Variants in BRAP observed in about 807,000 individuals in gnomAD.
BRAP encodes the protein BRCA1 associated protein, also known as BRCA1-associated protein.
A neutral mutation model predicts 73.4 loss-of-function variants in BRAP; 42 were observed. The ratio of observed to expected loss-of-function variants is 0.57; its 90% confidence interval spans 0.45 to 0.74. BRAP has a LOEUF of 0.74. Ranked by LOEUF, BRAP falls within the 30% of genes least tolerant of loss-of-function variation. BRAP has a pLI of 0.00. For synonymous variants in BRAP, 255 were observed against 267.4 expected, an observed-to-expected ratio of 0.95 and a Z score of 0.45; for missense variants, 593 against 751.4, an observed-to-expected ratio of 0.79 and a Z score of 2.46.
At position 111,665,488 on chromosome 12, in the gene BRAP, C is replaced by T. The variant is rs1425711016; in HGVS notation, c.896+151G>A. ...AAAAAAGGACTTGGTCTCAGAATGC[C>T]GATTCCCTGAACTTAGGAAAGGGAA... is the stretch of plus-strand genomic sequence containing the variant. On this transcript the variant is annotated intron_variant, in intron 6 of 11. Transcript: ENST00000419234. The surrounding 1 kb of genome is among the most constrained non-coding windows in gnomAD (Gnocchi z 4.3). The T allele has an allele frequency of 1.8e-5, 20 of 1,125,658 alleles. No individual in the cohort carries two copies. Among genetic ancestry groups the T allele is most frequent in the Non-Finnish European group, 2.0e-5 (16 of 813,652 alleles). 69.7% of individuals were successfully genotyped at this position (1,125,658 alleles called of 1,614,324 possible). A position where few individuals can be genotyped will look rare whatever the true frequency, so the allele number is the denominator to read the frequency against.
chr12:111,654,574 C>T (rs571538227), intron 10 of BRAP, among the ~76,000 whole-genome samples: 1 of 152,330 alleles, frequency 6.6e-6, no homozygotes. Flanking sequence ...CCTCGGCCTC[C>T]CAAAGTGCTG....
intron 5 of BRAP, chr12:111,669,929 T>C: frequency 1.6e-6 from 1 of 627,964 alleles, no homozygotes; most frequent in Non-Finnish European, 2.9e-6. Context: ...AAAAAACCCA[T>C]GCTTTCTTTT....
At chr12:111,650,498 T>C (rs1886276777) in intron 10 of BRAP, among the ~76,000 whole-genome samples, 1 of 152,340 alleles carries the variant, frequency 6.6e-6, no homozygotes, top group East Asian at 1.9e-4. Flanking sequence ...ACACCTGACC[T>C]CAGGTGATCC....
At chr12:111,670,930 T>C (rs1887144618) in intron 5 of BRAP, among the ~76,000 whole-genome samples, 1 of 151,966 alleles carries the variant, frequency 6.6e-6, no homozygotes, top group African/African-American at 2.4e-5. Context: ...CAAAACCCCA[T>C]CTCTACTAAA....
At position 111,665,617 on chromosome 12, in the gene BRAP, G is replaced by T. The variant is rs771205521; in HGVS notation, c.896+22C>A. 1 of 1,613,828 alleles carries T rather than the reference G, an allele frequency of 6.2e-7. No homozygotes were observed. Among genetic ancestry groups the T allele is most frequent in the East Asian group, 2.2e-5 (1 of 44,880 alleles). On this transcript the variant is annotated intron_variant, in intron 6 of 11. Coordinates refer to ENST00000419234, the MANE Select transcript of BRAP (RefSeq NM_006768.5). This position sits in a 1 kb window ranked among gnomAD's most constrained non-coding sequence, Gnocchi z 4.3. ...GGGTTGCAATGGGCTTGTACACAGA[G>T]GGGTTCGGCCCCTGCACTCACGTGG... is the stretch of plus-strand genomic sequence containing the variant.
rs141192674 is a variant in BRAP, at chr12:111,652,223, G to C, written c.1312-2181C>G. Among the ~76,000 whole-genome samples the C allele has an allele frequency of 2.6e-5, 4 of 151,970 alleles. No homozygotes were observed. The East Asian group carries it at 7.7e-4, about 29-fold the overall frequency. On this transcript the variant is annotated intron_variant, in intron 10 of 11. Coordinates refer to ENST00000419234, the MANE Select transcript of BRAP (RefSeq NM_006768.5). ...AAAATATAAAGGTAACCCTACAAAG[G>C]TTGGTTGGTTTGTTTTTTGAGATGG...
intron 5 of BRAP, among the ~76,000 whole-genome samples, chr12:111,666,880 C>T (rs7962598): frequency 0.017 from 2,643 of 152,266 alleles, 28 homozygotes; most frequent in Middle Eastern, 0.044. Flanking sequence ...ACTGAGGCCT[C>T]GTGCAGCAGC....
At position 111,642,497 on chromosome 12, in the gene BRAP, A is replaced by C. The variant is rs1009545316; in HGVS notation, c.*1702T>G. 4.6e-5 allele frequency: 7 copies of C among 152,146 alleles called. No homozygotes were observed. Among genetic ancestry groups the C allele is most frequent in the African/African-American group, 1.7e-4 (7 of 41,430 alleles). The allele number at this position is 152,146 out of a possible 1,614,324, so 9.4% of individuals were successfully genotyped here. Reference sequence around the variant, plus strand: ...CACTGGATAGAAGGGATCACAGAGAAATGAGGAGTGAGCGAGCTTTGTAAA... The same window carrying C: ...CACTGGATAGAAGGGATCACAGAGACATGAGGAGTGAGCGAGCTTTGTAAA... On this transcript the variant is annotated 3_prime_UTR_variant, in exon 12 of 12. Transcript: ENST00000419234.
intron 4 of BRAP, among the ~76,000 whole-genome samples, chr12:111,674,094 A>C (rs1326548613): frequency 6.6e-6 from 1 of 152,226 alleles, no homozygotes; most frequent in Non-Finnish European, 1.5e-5. Flanking sequence ...GTCAACCTTA[A>C]GGAAGAGATT....
intron 3 of BRAP, among the ~76,000 whole-genome samples, chr12:111,679,993 CT>C (rs112811180): frequency 2.6e-4 from 38 of 144,482 alleles, no homozygotes; most frequent in South Asian, 4.5e-4. Context: ...AGAATTCTGT[CT>C]TTTTTTTTTT....
At chr12:111,674,629 G>A (rs991141353) in intron 4 of BRAP, among the ~76,000 whole-genome samples, 1 of 152,214 alleles carries the variant, frequency 6.6e-6, no homozygotes, top group African/African-American at 2.4e-5. Flanking sequence ...TGGAGGGGCA[G>A]AGTGGCAGCA....
intron 3 of BRAP, among the ~76,000 whole-genome samples, chr12:111,680,169 C>A (rs1201795767): frequency 1.3e-5 from 2 of 151,320 alleles, no homozygotes; most frequent in Admixed American, 1.3e-4. Context: ...GTTGGCCAGG[C>A]TGGTTTCGAA....
intron 5 of BRAP, among the ~76,000 whole-genome samples, chr12:111,671,075 G>A (rs1160133455): frequency 6.6e-5 from 10 of 151,698 alleles, no homozygotes; most frequent in African/African-American, 1.9e-4. Context: ...ACTCCAGCCT[G>A]GGTGACAGAG....
In BRAP at chr12:111,644,094, C is replaced by T; in HGVS notation, c.*105G>A. ...AGAGCCAAACAACTGTGGCTTGATC[C>T]TCACTTGTACTTATTAGGGCCCACC... On this transcript the variant is annotated 3_prime_UTR_variant, in exon 12 of 12. Transcript: ENST00000419234. The T allele has an allele frequency of 6.8e-7, 1 of 1,461,072 alleles. No individual in the cohort carries two copies. The highest frequency in any genetic ancestry group is 9.1e-7 in the Non-Finnish European group (1 of 1,101,098). 90.5% of individuals were successfully genotyped at this position (1,461,072 alleles called of 1,614,324 possible).
chr12:111,677,300 C>T (rs1019226165), intron 4 of BRAP, among the ~76,000 whole-genome samples: 1 of 152,132 alleles, frequency 6.6e-6, no homozygotes, highest in Non-Finnish European at 1.5e-5. Context: ...GCTTATTGCC[C>T]TAGTTGTTAA....
Position 111,665,696 on chromosome 12 carries a change from G to A in BRAP, c.839C>T (p.Thr280Ile), listed in dbSNP as rs1175660813. 6.2e-7 allele frequency: 1 copy of A among 1,614,222 alleles called. No individual in the cohort carries two copies. The highest frequency in any genetic ancestry group is 8.5e-7 in the Non-Finnish European group (1 of 1,180,040). Residue 280 changes from threonine to isoleucine, a missense_variant, in exon 6 of 12, where the codon ACA becomes ATA. Physicochemically the swap from Thr to Ile is moderately conservative, Grantham distance 89. Around this residue, in one of 4 missense-constraint regions of BRAP, gnomAD observed 67 missense variants for 158.0 expected, o/e 0.42. Coordinates refer to ENST00000419234, the MANE Select transcript of BRAP (RefSeq NM_006768.5). The surrounding 1 kb of genome is among the most constrained non-coding windows in gnomAD (Gnocchi z 4.3). ...RMDESVNGIL[T>I]TLCNHSFHSQ... is the part of the protein sequence containing the mutation. The stretch of plus-strand genomic sequence containing the variant: ...GTGGAAGCTGTGGTTACATAACGTT[G>A]TGAGGATGCCATTCACAGACTCGTC...
In BRAP at chr12:111,644,145, A is replaced by C. The variant is rs1194871815; in HGVS notation, c.*54T>G. On this transcript the variant is annotated 3_prime_UTR_variant, in exon 12 of 12. Coordinates refer to ENST00000419234, the MANE Select transcript of BRAP (RefSeq NM_006768.5). Reference sequence around the variant, plus strand: ...CTCACATTTAGCTGAAGGTCCCAGCACACTCTCACAGTGTCAGGGAGAACA... The same window carrying C: ...CTCACATTTAGCTGAAGGTCCCAGCCCACTCTCACAGTGTCAGGGAGAACA... 6.4e-7 allele frequency: 1 copy of C among 1,561,790 alleles called. No individual in the cohort carries two copies. Among genetic ancestry groups the C allele is most frequent in the African/African-American group, 1.3e-5 (1 of 74,208 alleles).
intron 5 of BRAP, among the ~76,000 whole-genome samples, chr12:111,666,529 G>A (rs548049114): frequency 2.0e-5 from 3 of 152,152 alleles, no homozygotes; most frequent in African/African-American, 4.8e-5. Flanking sequence ...AGCAAAAACA[G>A]ATACGTTAAG....
chr12:111,649,775 T>C (rs1231553239), intron 11 of BRAP, among the ~76,000 whole-genome samples, 164 bp downstream of exon 11: 2 of 152,252 alleles, frequency 1.3e-5, no homozygotes, highest in African/African-American at 4.8e-5. Context: ...CCATCTGGTA[T>C]GAAACCCCGC....
Sources: gnomAD v4.1 joint callset for allele counts (sites outside exome capture counted in the v4.1 genomes callset) on GRCh38, gnomAD v4.1.1 for gene constraint, gnomAD v4.1.1 regional missense constraint, Gnocchi (gnomAD v3.1) non-coding constraint, MANE v1.5 for transcripts, NCBI Gene and HGNC (gene_info 2026-07-23, HGNC 2026-07-21) for gene names.